The following DOCK3 variants were observed in gnomAD, a reference collection of about 807,000 sequenced individuals.
DOCK3 encodes the protein dedicator of cytokinesis protein 3.
DOCK3 carries 60 observed loss-of-function variants against 265.6 expected under a neutral mutation model. The ratio of observed to expected loss-of-function variants is 0.23; its 90% confidence interval spans 0.18 to 0.28. DOCK3 has a LOEUF of 0.28. DOCK3 is among the 10% of genes least tolerant of loss of function. The pLI is 1.00. For missense variants in DOCK3, 1,981 were observed against 2,594.3 expected (o/e 0.76, Z 5.14); for synonymous variants, 881 against 938.0 (o/e 0.94, Z 1.11).
intron 27 of DOCK3, among the ~76,000 whole-genome samples, chr3:51,295,674 C>T (rs1207373752): frequency 1.3e-5 from 2 of 151,544 alleles, no homozygotes; most frequent in Admixed American, 1.3e-4. Flanking sequence ...TACTTCATAA[C>T]AAAAGATTAA....
At chr3:50,829,821 T>C (rs2045022941) in intron 2 of DOCK3, among the ~76,000 whole-genome samples, 1 of 152,200 alleles carries the variant, frequency 6.6e-6, no homozygotes, top group Admixed American at 6.5e-5. Context: ...TGAAATTCGC[T>C]TATGGCCCTC....
chr3:51,007,586 T>C (rs1159445080), intron 5 of DOCK3, among the ~76,000 whole-genome samples: 2 of 152,220 alleles, frequency 1.3e-5, no homozygotes, highest in African/African-American at 4.8e-5. Context: ...TTCACTCTGA[T>C]GGTAGTTTCT....
At chr3:51,148,396 T>C (rs1418865981) in intron 10 of DOCK3, among the ~76,000 whole-genome samples, 1 of 152,232 alleles carries the variant, frequency 6.6e-6, no homozygotes, top group East Asian at 1.9e-4. Context: ...CTTTTGGTGT[T>C]TTAGTCATGA....
intron 5 of DOCK3, among the ~76,000 whole-genome samples, chr3:50,969,800 A>T (rs1332543701): frequency 6.6e-6 from 1 of 152,186 alleles, no homozygotes; most frequent in Non-Finnish European, 1.5e-5. Context: ...AGCCGGGCAC[A>T]GTGGCTTACA....
chr3:51,083,508 G>A (rs1241926709), intron 7 of DOCK3, among the ~76,000 whole-genome samples: 2 of 152,242 alleles, frequency 1.3e-5, no homozygotes, highest in African/African-American at 2.4e-5. Context: ...AAGAAGCTCA[G>A]TGAGATACAA....
At chr3:50,830,612 A>T (rs1261976027) in intron 2 of DOCK3, among the ~76,000 whole-genome samples, 1 of 152,026 alleles carries the variant, frequency 6.6e-6, no homozygotes, top group Non-Finnish European at 1.5e-5. Context: ...CTGATTGTTG[A>T]CTGTCACATG....
chr3:51,330,979 G>A (rs1377027363), intron 33 of DOCK3, among the ~76,000 whole-genome samples: 1 of 152,134 alleles, frequency 6.6e-6, no homozygotes, highest in Non-Finnish European at 1.5e-5. Context: ...TATTTTTTCA[G>A]GAATAATACT....
At chr3:51,128,506 T>C (rs559762387) in intron 9 of DOCK3, among the ~76,000 whole-genome samples, 1 of 152,198 alleles carries the variant, frequency 6.6e-6, no homozygotes, top group South Asian at 2.1e-4. Flanking sequence ...GCCGTAAAAG[T>C]GAGTGAATTG....
chr3:50,757,830 A>G (rs148473709), intron 1 of DOCK3, among the ~76,000 whole-genome samples: 39 of 152,188 alleles, frequency 2.6e-4, no homozygotes, highest in African/African-American at 7.7e-4. Flanking sequence ...GTGGATATCT[A>G]TTGAAAAGAT....
At chr3:50,810,411 C>T (rs1258190603) in intron 2 of DOCK3, among the ~76,000 whole-genome samples, 2 of 151,824 alleles carry the variant, frequency 1.3e-5, no homozygotes, top group African/African-American at 4.8e-5. Flanking sequence ...ATTAGCTGGG[C>T]GTTGTGATGG....
intron 32 of DOCK3, among the ~76,000 whole-genome samples, chr3:51,325,712 C>G (rs2084058695): frequency 6.6e-6 from 1 of 152,160 alleles, no homozygotes; most frequent in South Asian, 2.1e-4. Flanking sequence ...CACATATACA[C>G]CATGGAATAC....
At chr3:51,048,363 C>G (rs1244169262) in intron 5 of DOCK3, among the ~76,000 whole-genome samples, 1 of 152,052 alleles carries the variant, frequency 6.6e-6, no homozygotes, top group Non-Finnish European at 1.5e-5. Context: ...CAACATGGTA[C>G]AGGTTGAATA....
intron 5 of DOCK3, among the ~76,000 whole-genome samples, chr3:50,984,216 G>A (rs1302484440): frequency 1.3e-5 from 2 of 152,230 alleles, no homozygotes; most frequent in Non-Finnish European, 2.9e-5. Context: ...TCGAGCAAAG[G>A]TGCCACTGGC....
At chr3:51,218,595 C>T (rs1004739741) in intron 14 of DOCK3, among the ~76,000 whole-genome samples, 15 of 152,076 alleles carry the variant, frequency 9.9e-5, no homozygotes, top group African/African-American at 3.4e-4. Flanking sequence ...AAATAAAGGG[C>T]TTTGTCGTGG....
chr3:51,338,850 C>CA (rs1275354285), intron 36 of DOCK3, 85 bp from the exon 37 acceptor site: 6 of 1,185,414 alleles, frequency 5.1e-6, no homozygotes, highest in Non-Finnish European at 7.4e-6. Flanking sequence ...TCCTGCCCAG[C>CA]ACACCCACGG....
intron 10 of DOCK3, among the ~76,000 whole-genome samples, chr3:51,152,857 C>T (rs1475615369): frequency 6.6e-6 from 1 of 152,186 alleles, no homozygotes; most frequent in African/African-American, 2.4e-5. Context: ...GCTGCCTGAT[C>T]CTTCCTCTGG....
intron 3 of DOCK3, among the ~76,000 whole-genome samples, chr3:50,888,017 C>A (rs561285839): frequency 2.6e-5 from 4 of 151,888 alleles, no homozygotes; most frequent in Non-Finnish European, 4.4e-5. Flanking sequence ...CAGGGCAATT[C>A]GGCAGGAGAA....
intron 32 of DOCK3, among the ~76,000 whole-genome samples, chr3:51,326,974 C>CA (rs1433244519): frequency 6.6e-6 from 1 of 151,852 alleles, no homozygotes; most frequent in African/African-American, 2.4e-5. Flanking sequence ...GTTAATATTG[C>CA]AAAAAACATT....
intron 9 of DOCK3, among the ~76,000 whole-genome samples, chr3:51,107,819 T>G (rs758512070): frequency 1.3e-5 from 2 of 152,106 alleles, no homozygotes; most frequent in Non-Finnish European, 2.9e-5. Context: ...AACATTCAAA[T>G]TCAGGAAATG....
Sources: allele counts gnomAD v4.1 joint callset (sites outside exome capture counted in the v4.1 genomes callset), GRCh38; gene constraint gnomAD v4.1.1; transcripts MANE v1.5; gene names NCBI Gene and HGNC (gene_info 2026-07-23, HGNC 2026-07-21).